The following ACO1 variants were observed in gnomAD, a reference collection of about 807,000 sequenced individuals.
ACO1 encodes the protein cytoplasmic aconitate hydratase.
In ACO1, 78 loss-of-function variants were observed where a neutral mutation model predicts 105.1. That is an observed-to-expected ratio of 0.74 (90% CI 0.62 to 0.90). ACO1 has a LOEUF of 0.90. Ranked by LOEUF, ACO1 falls within the 40% of genes least tolerant of loss-of-function variation. The pLI is 0.00. For missense variants in ACO1, 965 were observed against 1,111.1 expected, an observed-to-expected ratio of 0.87 and a Z score of 1.87; for synonymous variants, 364 against 397.4, an observed-to-expected ratio of 0.92 and a Z score of 1.00.
intron 15 of ACO1, among the ~76,000 whole-genome samples, 183 bp from the exon 16 acceptor site, chr9:32,433,545 C>A (rs1822286933): frequency 6.6e-6 from 1 of 152,076 alleles, no homozygotes; most frequent in African/African-American, 2.4e-5. Flanking sequence ...CCCACAGTGT[C>A]TCTGGATTTT....
intron 1 of ACO1, among the ~76,000 whole-genome samples, chr9:32,405,106 T>TAAAACTAGGTGG (rs1417158513): frequency 2.4e-5 from 1 of 41,654 alleles, no homozygotes; most frequent in African/African-American, 5.2e-5. Context: ...ATACAGCATG[T>TAAAACTAGGTGG]GAGACGTAGT....
intron 1 of ACO1, among the ~76,000 whole-genome samples, chr9:32,400,549 G>A (rs540397054): frequency 5.3e-5 from 8 of 152,264 alleles, no homozygotes; most frequent in African/African-American, 1.9e-4. Context: ...TTTATCTGGA[G>A]TTATAGTCAC....
intron 19 of ACO1, among the ~76,000 whole-genome samples, chr9:32,447,669 C>T (rs1039691955): frequency 2.6e-5 from 4 of 152,298 alleles, no homozygotes; most frequent in African/African-American, 7.2e-5. Context: ...GAATGTTCAG[C>T]GTTTTTGTGC....
intron 18 of ACO1, among the ~76,000 whole-genome samples, chr9:32,436,845 T>C (rs1822372455): frequency 6.6e-6 from 1 of 152,222 alleles, no homozygotes; most frequent in Non-Finnish European, 1.5e-5. Context: ...CAGCAGGGAC[T>C]GTTTGTTCCC....
intron 15 of ACO1, among the ~76,000 whole-genome samples, chr9:32,433,227 T>C (rs1587547150): frequency 6.6e-6 from 1 of 152,064 alleles, no homozygotes; most frequent in East Asian, 1.9e-4. Flanking sequence ...TCACGGTGCA[T>C]ATGTATGTTG....
Position 32,410,334 on chromosome 9 carries a change from G to A in ACO1, c.404+1683G>A, listed in dbSNP as rs185260537. Among the ~76,000 whole-genome samples, 618 of 152,192 alleles carry A rather than the reference G, an allele frequency of 4.1e-3. 3 individuals are homozygous for A. The highest frequency in any genetic ancestry group is 0.014 in the African/African-American group (567 of 41,496). ...AGCACTTTGGGAGGCTGAGGTGGGC[G>A]GATCACAAGGTCAGGAGATCAAGAC... On this transcript the variant is annotated intron_variant, in intron 4 of 20. Coordinates refer to ENST00000309951, the MANE Select transcript of ACO1 (RefSeq NM_002197.3).
chr9:32,394,940 A>T (rs1352471086), intron 1 of ACO1, among the ~76,000 whole-genome samples: 1 of 35,836 alleles, frequency 2.8e-5, no homozygotes, highest in Admixed American at 3.9e-4. Context: ...ACAGAGGTAA[A>T]GATGGCCCAG....
intron 4 of ACO1, among the ~76,000 whole-genome samples, chr9:32,412,462 G>T (rs1821760279): frequency 6.6e-6 from 1 of 152,156 alleles, no homozygotes; most frequent in Admixed American, 6.5e-5. Context: ...ACCTTTATTT[G>T]CTTCCTTGGG....
At chr9:32,440,655 C>G (rs1822460204) in intron 19 of ACO1, 68 bp downstream of exon 19, 13 of 1,557,198 alleles carry the variant, frequency 8.3e-6, no homozygotes, top group Non-Finnish European at 1.0e-5. Flanking sequence ...AGGCACAAAT[C>G]CTGTTGCTTT....
At position 32,424,602 on chromosome 9, in the gene ACO1, G is replaced by C; in HGVS notation, c.1125G>C (p.Arg375Ser). Residue 375 changes from arginine (R) to serine (S), a missense_variant, in exon 10 of 21, where the codon AGG (arginine) becomes AGC (serine). Transcript: ENST00000309951. The stretch of plus-strand genomic sequence containing the variant: ...TGCCTTGCTGTAGTGGACCCAAAAG[G>C]CCTCAGGACAAAGTTGCTGTGTCCG... ...TVVPCCSGPK[R>S]PQDKVAVSDM... 6.2e-7 allele frequency: 1 copy of C among 1,614,058 alleles called. No homozygotes were observed. The highest frequency in any genetic ancestry group is 8.5e-7 in the Non-Finnish European group (1 of 1,180,006).
intron 19 of ACO1, among the ~76,000 whole-genome samples, chr9:32,447,763 C>G (rs1487348131): frequency 2.0e-5 from 3 of 152,212 alleles, no homozygotes; most frequent in South Asian, 4.1e-4. Flanking sequence ...AGTGGATGTC[C>G]TTTTGGTTGA....
chr9:32,435,654 T>C (rs1417399715), intron 17 of ACO1, among the ~76,000 whole-genome samples: 2 of 152,200 alleles, frequency 1.3e-5, no homozygotes, highest in Admixed American at 6.5e-5. Context: ...ACAGACAAGA[T>C]TTCCTCTGGT....
intron 18 of ACO1, among the ~76,000 whole-genome samples, chr9:32,438,317 G>A (rs928706075): frequency 1.3e-5 from 2 of 152,170 alleles, no homozygotes; most frequent in Admixed American, 1.3e-4. Context: ...CCTTCCTTAG[G>A]AAGCTACTTG....
rs1410512012 is a variant in ACO1 at position 32,427,386 on chromosome 9, C to T, written c.1434C>T (p.Val478=). ...KTSLSPGSGV[V]TYYLQESGVM... is the part of the protein sequence containing the mutation. ...GCCTGTCTCCTGGGAGTGGCGTGGT[C>T]ACCTACTACCTACAAGAAAGCGGAG... is the stretch of plus-strand genomic sequence containing the variant. Residue 478 remains valine (V), a synonymous_variant, in exon 12 of 21, where the codon GTC becomes GTT. Coordinates refer to ENST00000309951, the MANE Select transcript of ACO1 (RefSeq NM_002197.3). 3 of 1,614,088 alleles carry T rather than the reference C, an allele frequency of 1.9e-6. No individual in the cohort carries two copies. Among genetic ancestry groups the T allele is most frequent in the South Asian group, 1.1e-5 (1 of 91,084 alleles).
At chr9:32,426,468 T>G (rs1180894190) in intron 11 of ACO1, among the ~76,000 whole-genome samples, 1 of 152,200 alleles carries the variant, frequency 6.6e-6, no homozygotes, top group African/African-American at 2.4e-5. Context: ...TGTTAATATT[T>G]ACATATGTGG....
intron 4 of ACO1, among the ~76,000 whole-genome samples, chr9:32,415,015 A>G (rs1821818217): frequency 6.6e-6 from 1 of 151,972 alleles, no homozygotes; most frequent in Non-Finnish European, 1.5e-5. Context: ...CCTGATCTGG[A>G]TCCTGAGCCT....
intron 12 of ACO1, among the ~76,000 whole-genome samples, chr9:32,428,452 ACTTCCTGAAGAAC>A (rs1394293362): frequency 2.0e-5 from 3 of 151,678 alleles, no homozygotes; most frequent in Admixed American, 6.6e-5. Flanking sequence ...CTCCTGGAAT[ACTTCCTGAAGAAC>A]CTTCCTGAGG....
intron 1 of ACO1, among the ~76,000 whole-genome samples, chr9:32,390,868 C>G (rs879800451): frequency 6.6e-6 from 1 of 152,112 alleles, no homozygotes; most frequent in African/African-American, 2.4e-5. Context: ...TATCTGGAGC[C>G]TGTGGGTCTT....
chr9:32,398,357 A>G (rs1349279400), intron 1 of ACO1, among the ~76,000 whole-genome samples: 7 of 152,172 alleles, frequency 4.6e-5, no homozygotes, highest in Admixed American at 3.3e-4. Flanking sequence ...GCTATGAGAG[A>G]TAAACATCAT....
Sources: allele counts gnomAD v4.1 joint callset (sites outside exome capture counted in the v4.1 genomes callset), GRCh38; gene constraint gnomAD v4.1.1; transcripts MANE v1.5; gene names NCBI Gene and HGNC (gene_info 2026-07-23, HGNC 2026-07-21).